FOXP2: variants seen among roughly 807,000 people sequenced by gnomAD.
FOXP2 encodes the protein forkhead box protein P2.
A neutral mutation model predicts 115.8 loss-of-function variants in FOXP2; 12 were observed. The observed-to-expected ratio is 0.10, with a 90% CI of 0.07 to 0.17. The LOEUF (loss-of-function observed/expected upper bound fraction) is 0.17, where lower values mean the gene tolerates loss of function less well. Among genes scored for constraint, FOXP2 ranks in the 10% least tolerant of loss-of-function variants. The probability of loss-of-function intolerance (pLI) is 1.00; values close to 1 mark genes in which losing one functional copy is unlikely to be tolerated. For synonymous variants in FOXP2, 328 were observed against 297.7 expected, an observed-to-expected ratio of 1.10 and a Z score of -1.05; for missense variants, 629 against 843.5, an observed-to-expected ratio of 0.75 and a Z score of 3.15.
At chr7:114,573,587 A>T (rs1006914131) in intron 3 of FOXP2, among the ~76,000 whole-genome samples, 2 of 151,826 alleles carry the variant, frequency 1.3e-5, no homozygotes, top group Non-Finnish European at 2.9e-5. Context: ...GAGACCCTAC[A>T]TAATGCCTAT....
intron 1 of FOXP2, among the ~76,000 whole-genome samples, chr7:114,284,937 A>G (rs904050711): frequency 3.9e-5 from 6 of 152,198 alleles, no homozygotes; most frequent in Non-Finnish European, 7.3e-5. Flanking sequence ...ACAGAAAAGC[A>G]AATACTGCAT....
chr7:114,116,819 C>G (rs116884246), intron 1 of FOXP2, among the ~76,000 whole-genome samples: 1 of 152,048 alleles, frequency 6.6e-6, no homozygotes, highest in African/African-American at 2.4e-5. Context: ...ACCATCCCCT[C>G]CTGAAGCCCT....
intron 3 of FOXP2, among the ~76,000 whole-genome samples, chr7:114,577,171 TA>T (rs1801617070): frequency 6.6e-6 from 1 of 151,994 alleles, no homozygotes; most frequent in African/African-American, 2.4e-5. Flanking sequence ...TGTATTTACT[TA>T]AAAATATTTC....
At chr7:114,296,732 G>T (rs999767283) in intron 2 of FOXP2, among the ~76,000 whole-genome samples, 3 of 152,248 alleles carry the variant, frequency 2.0e-5, no homozygotes, top group African/African-American at 7.2e-5. Flanking sequence ...AACATCTGAT[G>T]CAGAGAAATG....
intron 10 of FOXP2, among the ~76,000 whole-genome samples, chr7:114,656,904 G>C (rs529959294): frequency 1.3e-5 from 2 of 152,076 alleles, no homozygotes; most frequent in South Asian, 4.1e-4. Context: ...CTTAAGAAGT[G>C]TATTTGGGAT....
At chr7:114,579,640 A>G (rs1229852494) in intron 3 of FOXP2, among the ~76,000 whole-genome samples, 1 of 152,116 alleles carries the variant, frequency 6.6e-6, no homozygotes. Flanking sequence ...GAACTCAGTT[A>G]CTGTTGCACA....
intron 1 of FOXP2, among the ~76,000 whole-genome samples, chr7:114,253,212 G>A (rs1438121444): frequency 6.6e-6 from 1 of 152,092 alleles, no homozygotes; most frequent in Non-Finnish European, 1.5e-5. Context: ...TTACTTTCAA[G>A]TATGTGGTCA....
chr7:114,129,784 A>G (rs2129145051), intron 1 of FOXP2, among the ~76,000 whole-genome samples: 1 of 152,368 alleles, frequency 6.6e-6, no homozygotes, highest in East Asian at 1.9e-4. Flanking sequence ...GTCATTAAGT[A>G]AAATTTAAGC....
At chr7:114,341,341 T>C (rs549138436) in intron 2 of FOXP2, among the ~76,000 whole-genome samples, 1 of 151,352 alleles carries the variant, frequency 6.6e-6, no homozygotes, top group African/African-American at 2.4e-5. Flanking sequence ...GTGAGTATTA[T>C]CATGTAGTGT....
At chr7:114,323,919 G>A (rs1797490978) in intron 2 of FOXP2, among the ~76,000 whole-genome samples, 1 of 151,936 alleles carries the variant, frequency 6.6e-6, no homozygotes, top group South Asian at 2.1e-4. Context: ...TAGAGCTGGA[G>A]TTATTCTTCA....
chr7:114,504,877 A>T (rs776887555), intron 2 of FOXP2, among the ~76,000 whole-genome samples: 18 of 151,612 alleles, frequency 1.2e-4, no homozygotes, highest in Admixed American at 2.0e-4. Flanking sequence ...TTAGATTTTA[A>T]AAATGCTCAG....
intron 1 of FOXP2, among the ~76,000 whole-genome samples, chr7:114,283,816 A>C (rs1228143041): frequency 6.6e-6 from 1 of 151,928 alleles, no homozygotes; most frequent in Non-Finnish European, 1.5e-5. Context: ...TGAAAAAATT[A>C]CTCAGGTGTG....
chr7:114,526,200 C>CGGACGCAGTG (rs1798852599), intron 2 of FOXP2, among the ~76,000 whole-genome samples: 1 of 96,432 alleles, frequency 1.0e-5, no homozygotes, highest in Non-Finnish European at 2.0e-5. Context: ...AAAAAAGGGC[C>CGGACGCAGTG]GGACGCAGTG....
intron 1 of FOXP2, among the ~76,000 whole-genome samples, chr7:114,248,178 A>AACAG (rs1168270100): frequency 4.7e-5 from 4 of 84,776 alleles, no homozygotes; most frequent in Admixed American, 4.6e-4. Flanking sequence ...CCAGCTTAAA[A>AACAG]ACAGAGAGAG....
intron 16 of FOXP2, among the ~76,000 whole-genome samples, chr7:114,685,395 C>A (rs1808307922): frequency 6.6e-6 from 1 of 152,076 alleles, no homozygotes; most frequent in African/African-American, 2.4e-5. Context: ...AGACTTAAAA[C>A]TATGATAGTT....
chr7:114,379,643 T>C (rs909932315), intron 2 of FOXP2, among the ~76,000 whole-genome samples: 3 of 152,066 alleles, frequency 2.0e-5, no homozygotes, highest in Admixed American at 2.0e-4. Flanking sequence ...TGAAAAACCA[T>C]TTGTAGTTTT....
intron 3 of FOXP2, among the ~76,000 whole-genome samples, chr7:114,592,111 A>AT (rs1281761814): frequency 6.6e-6 from 1 of 152,098 alleles, no homozygotes; most frequent in African/African-American, 2.4e-5. Flanking sequence ...GGATCAGATA[A>AT]TAATCTAGGT....
chr7:114,421,997 C>T (rs1793643545), intron 1 of FOXP2, among the ~76,000 whole-genome samples: 1 of 151,602 alleles, frequency 6.6e-6, no homozygotes, highest in African/African-American at 2.4e-5. Context: ...TTTCTTGTTA[C>T]ATATGTTAAG....
rs949006933 is a variant in FOXP2, at chr7:114,415,039, C to T, written c.-332C>T. 12 of 453,784 alleles carry T rather than the reference C, an allele frequency of 2.6e-5. No homozygotes were observed. The highest frequency in any genetic ancestry group is 6.9e-4 in the Middle Eastern group (1 of 1,458). 28.1% of individuals were successfully genotyped at this position (453,784 alleles called of 1,614,324 possible). A position where few individuals can be genotyped will look rare whatever the true frequency, so the allele number is the denominator to read the frequency against. On this transcript the variant is annotated 5_prime_UTR_variant, in exon 1 of 17. Transcript: ENST00000350908. ...CCTCACGTTGCACACCAAAGACATA[C>T]CCTAGTGATTAAATGCTGATTTTGT...
Sources: allele counts gnomAD v4.1 joint callset (sites outside exome capture counted in the v4.1 genomes callset), GRCh38; gene constraint gnomAD v4.1.1; transcripts MANE v1.5; gene names NCBI Gene and HGNC (gene_info 2026-07-23, HGNC 2026-07-21).